The following PDE7B variants were observed in gnomAD, a reference collection of about 807,000 sequenced individuals.
PDE7B encodes 3',5'-cyclic-AMP phosphodiesterase 7B.
In PDE7B, 29 loss-of-function variants were observed where a neutral mutation model predicts 56.2. That is an observed-to-expected ratio of 0.52 (90% CI 0.38 to 0.70). PDE7B has a LOEUF of 0.70. Among genes scored for constraint, PDE7B ranks in the 30% least tolerant of loss-of-function variants. The probability of loss-of-function intolerance (pLI) is 0.00; values close to 1 mark genes in which losing one functional copy is unlikely to be tolerated. For synonymous variants in PDE7B, 197 were observed against 196.9 expected (o/e 1.00, Z 0.00); for missense variants, 490 against 565.0 (o/e 0.87, Z 1.35).
intron 3 of PDE7B, among the ~76,000 whole-genome samples, chr6:136,109,213 G>A (rs1448587453): frequency 6.6e-6 from 1 of 152,160 alleles, no homozygotes; most frequent in Non-Finnish European, 1.5e-5. Flanking sequence ...GGCACAGCCT[G>A]TAGTCCCAGC....
intron 2 of PDE7B, among the ~76,000 whole-genome samples, chr6:136,036,756 G>T (rs931054862): frequency 6.6e-6 from 1 of 152,160 alleles, no homozygotes; most frequent in Non-Finnish European, 1.5e-5. Context: ...CAGCAAAATG[G>T]CATGCCAAGC....
chr6:136,020,329 A>G (rs1282166610), intron 2 of PDE7B, among the ~76,000 whole-genome samples: 2 of 152,154 alleles, frequency 1.3e-5, no homozygotes, highest in Non-Finnish European at 2.9e-5. Flanking sequence ...TTTTTTGGCA[A>G]TCTGCATAAT....
Position 136,192,850 on chromosome 6 carries a change from C to G in PDE7B, c.*1010C>G, listed in dbSNP as rs1206740413. 6.6e-6 allele frequency: 1 copy of G among 152,386 alleles called. No homozygotes were observed. Among genetic ancestry groups the G allele is most frequent in the Non-Finnish European group, 1.5e-5 (1 of 68,034 alleles). The allele number at this position is 152,386 out of a possible 1,614,324, so 9.4% of individuals were successfully genotyped here. ...TTCTGAAAGCTGCCCAACTTAAATCCTCATAGATGTCTTTCTCAACTGCCT... is the reference window on the plus strand; with the variant it reads ...TTCTGAAAGCTGCCCAACTTAAATCGTCATAGATGTCTTTCTCAACTGCCT... On this transcript the variant is annotated 3_prime_UTR_variant, in exon 13 of 13. Coordinates refer to ENST00000308191, the MANE Select transcript of PDE7B (RefSeq NM_018945.4).
rs1229242061 is a variant in PDE7B, at chr6:136,145,265, T to C, written c.167-2086T>C. Among the ~76,000 whole-genome samples, 5 of 152,274 alleles carry C rather than the reference T, an allele frequency of 3.3e-5. No individual in the cohort carries two copies. In the East Asian group the frequency reaches 9.7e-4, roughly 29 times the overall value. ...AGCCAATGGTTTACAATCCATTCTT[T>C]CGTTATTCATTTTGAGACTCAAATT... is the stretch of plus-strand genomic sequence containing the variant. On this transcript the variant is annotated intron_variant, in intron 3 of 12. Transcript: ENST00000308191.
rs376765710 is a variant in PDE7B, at chr6:136,010,887, T to G, written c.82+63363T>G. 9.9e-5 allele frequency among the ~76,000 whole-genome samples: 15 copies of G among 152,264 alleles called. 1 individual carries two copies. The highest frequency in any genetic ancestry group is 5.2e-4 in the Admixed American group (8 of 15,290). ...GAAATAAGTCTGAGTTCTGATGGGC[T>G]GTTGAAAGGCTGCACCGGGTGCTCC... On this transcript the variant is annotated intron_variant, in intron 2 of 12. Transcript: ENST00000308191.
chr6:136,142,515 ACTTT>A (rs1778344660), intron 3 of PDE7B, among the ~76,000 whole-genome samples: 1 of 151,964 alleles, frequency 6.6e-6, no homozygotes, highest in Non-Finnish European at 1.5e-5. Context: ...ATCCTTGTTA[ACTTT>A]CTGTCTCGCT....
chr6:135,899,257 C>T (rs773555630), intron 1 of PDE7B, among the ~76,000 whole-genome samples: 1 of 152,028 alleles, frequency 6.6e-6, no homozygotes, highest in Non-Finnish European at 1.5e-5. Flanking sequence ...ACTAATACAT[C>T]ATGTCAGAAG....
At chr6:136,102,271 G>T (rs1453018828) in intron 2 of PDE7B, among the ~76,000 whole-genome samples, 3 of 152,050 alleles carry the variant, frequency 2.0e-5, no homozygotes, top group African/African-American at 7.3e-5. Context: ...GCTGGTAGGG[G>T]GTGGGTGGGG....
intron 2 of PDE7B, chr6:136,044,890 C>T (rs1426522967): frequency 6.6e-6 from 1 of 151,922 alleles, no homozygotes; most frequent in Non-Finnish European, 1.5e-5. Flanking sequence ...TTCCCAAGAT[C>T]TCTGCTCGTT....
At chr6:135,965,219 A>C (rs1443132538) in intron 2 of PDE7B, among the ~76,000 whole-genome samples, 1 of 152,204 alleles carries the variant, frequency 6.6e-6, no homozygotes, top group African/African-American at 2.4e-5. Context: ...AATAAAGCAG[A>C]AGTATCTGTG....
chr6:136,082,968 A>C (rs1777230809), intron 2 of PDE7B, among the ~76,000 whole-genome samples: 1 of 152,224 alleles, frequency 6.6e-6, no homozygotes, highest in Non-Finnish European at 1.5e-5. Context: ...CATAAATATA[A>C]AGATTGAAGA....
chr6:136,125,203 T>C (rs888948401), intron 3 of PDE7B, among the ~76,000 whole-genome samples: 3 of 152,232 alleles, frequency 2.0e-5, no homozygotes, highest in African/African-American at 7.2e-5. Flanking sequence ...GTTACATGTA[T>C]ATTTTAACAT....
rs879615289 is a variant in PDE7B, at chr6:135,873,768, TA to T, written c.21+21754del. On this transcript the variant is annotated intron_variant, in intron 1 of 12. Coordinates refer to ENST00000308191, the MANE Select transcript of PDE7B (RefSeq NM_018945.4). ...ACAGACATAGACAATGTTTTTATATTAAAAAGTTTAAAATTTTAATTGCAAA... is the reference window on the plus strand; with the variant it reads ...ACAGACATAGACAATGTTTTTATATTAAAAGTTTAAAATTTTAATTGCAAA... Among the ~76,000 whole-genome samples the T allele has an allele frequency of 2.6e-4, 39 of 152,274 alleles. 1 individual carries two copies. In the East Asian group the frequency reaches 7.3e-3, roughly 29 times the overall value.
At chr6:135,947,043 T>A in intron 1 of PDE7B, among the ~76,000 whole-genome samples, 1 of 152,136 alleles carries the variant, frequency 6.6e-6, no homozygotes, top group East Asian at 1.9e-4. Context: ...GCCACCTAGC[T>A]TTATGTTTGA....
At chr6:135,912,071 T>C (rs1309309112) in intron 1 of PDE7B, among the ~76,000 whole-genome samples, 23 of 152,208 alleles carry the variant, frequency 1.5e-4, no homozygotes, top group Admixed American at 1.5e-3. Context: ...AAAGTGCTTA[T>C]ATTTGTCCAA....
At chr6:136,053,633 C>T (rs1776674785) in intron 2 of PDE7B, among the ~76,000 whole-genome samples, 1 of 152,202 alleles carries the variant, frequency 6.6e-6, no homozygotes, top group Admixed American at 6.5e-5. Context: ...GGAATCACCA[C>T]ACTGACTTCC....
rs1375732493 is a variant in PDE7B, at chr6:136,097,202, T to A, written c.83-11529T>A. On this transcript the variant is annotated intron_variant, in intron 2 of 12. Transcript: ENST00000308191. ...TTTGATTTATAAATTTGTATCTCCA[T>A]CCCAGAAATTCCCCCTAAGCCCCAG... Among the ~76,000 whole-genome samples the A allele has an allele frequency of 2.0e-5, 3 of 152,166 alleles. No individual in the cohort carries two copies. The East Asian group carries it at 5.8e-4, about 29-fold the overall frequency.
intron 2 of PDE7B, among the ~76,000 whole-genome samples, chr6:135,961,210 T>G (rs1317613983): frequency 1.3e-5 from 2 of 152,064 alleles, no homozygotes; most frequent in Non-Finnish European, 2.9e-5. Flanking sequence ...CTTTCAAGTA[T>G]CTACCTATAA....
In PDE7B at chr6:136,191,709, CACA is replaced by C. The variant is rs1360209906; in HGVS notation, c.1227_1229del (p.Asn409del). ...GGAGAACATGCTGGGCCACCTCGCA[CACA>C]ACAAGGCCCAGTGGAAGAGCCTGTT... On this transcript the variant is annotated inframe_deletion, in exon 13 of 13. Transcript: ENST00000308191. 7 of 1,612,844 alleles carry C rather than the reference CACA, an allele frequency of 4.3e-6. No homozygotes were observed. The highest frequency in any genetic ancestry group is 2.7e-5 in the African/African-American group (2 of 74,896).
Sources: gnomAD v4.1 joint callset for allele counts (sites outside exome capture counted in the v4.1 genomes callset) on GRCh38, gnomAD v4.1.1 for gene constraint, MANE v1.5 for transcripts, NCBI Gene and HGNC (gene_info 2026-07-23, HGNC 2026-07-21) for gene names.